Variants in CAST observed in about 807,000 individuals in gnomAD.
CAST encodes calpastatin.
In CAST, 76 loss-of-function variants were observed where a neutral mutation model predicts 119.6. The observed-to-expected ratio is 0.64, with a 90% CI of 0.53 to 0.77. CAST has a LOEUF of 0.77. CAST is among the 30% of genes least tolerant of loss of function. The probability of loss-of-function intolerance (pLI) is 0.00; values close to 1 mark genes in which losing one functional copy is unlikely to be tolerated. For missense variants in CAST, 953 were observed against 946.5 expected (o/e 1.01, Z -0.09); for synonymous variants, 319 against 331.6 (o/e 0.96, Z 0.41).
the CAST span, among the ~76,000 whole-genome samples, chr5:96,152,838 A>G: frequency 6.6e-6 from 1 of 152,236 alleles, no homozygotes; most frequent in African/African-American, 2.4e-5. Flanking sequence ...ATTGGTGCAA[A>G]GCAGTAACTT....
chr5:96,191,240 C>T, the CAST span, among the ~76,000 whole-genome samples: 1 of 152,162 alleles, frequency 6.6e-6, no homozygotes, highest in East Asian at 1.9e-4. Context: ...AGAAATAGTA[C>T]CTTCTGTATC....
the CAST span, among the ~76,000 whole-genome samples, chr5:96,446,061 C>G: frequency 8.6e-5 from 13 of 151,800 alleles, no homozygotes; most frequent in African/African-American, 3.1e-4. Context: ...GTTACCCAGG[C>G]TGTTCTCAAA....
the CAST span, chr5:96,392,738 CT>C: frequency 6.3e-4 from 324 of 511,768 alleles, 1 homozygote; most frequent in Non-Finnish European, 7.3e-4. Flanking sequence ...TTTTTGTCAA[CT>C]GTGACTCCAG....
At chr5:96,557,562 G>C (rs1390742930) in intron 1 of CAST, among the ~76,000 whole-genome samples, 2 of 152,106 alleles carry the variant, frequency 1.3e-5, no homozygotes, top group African/African-American at 2.4e-5. Context: ...TGCAATCCTA[G>C]TCTCTGATAA....
At chr5:96,211,246 T>C in the CAST span, among the ~76,000 whole-genome samples, 1 of 152,016 alleles carries the variant, frequency 6.6e-6, no homozygotes, top group African/African-American at 2.4e-5. Flanking sequence ...TTATTTCTGA[T>C]CTTTGAGGGA....
At chr5:96,587,186 G>T (rs1056137787) in intron 1 of CAST, among the ~76,000 whole-genome samples, 1 of 152,184 alleles carries the variant, frequency 6.6e-6, no homozygotes, top group Non-Finnish European at 1.5e-5. Flanking sequence ...AGAAAGGTTT[G>T]TACAGCACAT....
At chr5:96,022,167 C>G in the CAST span, among the ~76,000 whole-genome samples, 1 of 152,142 alleles carries the variant, frequency 6.6e-6, no homozygotes, top group African/African-American at 2.4e-5. Flanking sequence ...TTGAGCATCT[C>G]CAGGTTTTGG....
At chr5:96,349,622 T>A in the CAST span, among the ~76,000 whole-genome samples, 1 of 152,132 alleles carries the variant, frequency 6.6e-6, no homozygotes, top group African/African-American at 2.4e-5. Flanking sequence ...GCTGAAAAAA[T>A]TTCACTATTT....
intron 1 of CAST, among the ~76,000 whole-genome samples, chr5:96,652,159 G>A (rs906233379): frequency 9.2e-5 from 14 of 152,212 alleles, no homozygotes; most frequent in East Asian, 1.9e-4. Context: ...CTAGGGCAGC[G>A]TCAGAGGACC....
rs70981830 is a variant in CAST at position 96,568,564 on chromosome 5, C to CA, written c.60+38708dup. ...TGGGCGACAGAGCGAGACTCCATCT[C>CA]AAAAAAAAAAAAAAAAAAAAAAAAG... On this transcript the variant is annotated intron_variant, in intron 1 of 11. Transcript: ENST00000505143. Among the ~76,000 whole-genome samples the CA allele has an allele frequency of 3.9e-3, 277 of 70,764 alleles. 1 individual carries two copies. The highest frequency in any genetic ancestry group is 4.3e-3 in the Non-Finnish European group (176 of 40,790). The allele number at this position is 70,764 out of a possible 152,430, so 46.4% of individuals were successfully genotyped here. A position where few individuals can be genotyped will look rare whatever the true frequency, so the allele number is the denominator to read the frequency against.
At chr5:96,308,294 C>T in the CAST span, among the ~76,000 whole-genome samples, 1 of 151,792 alleles carries the variant, frequency 6.6e-6, no homozygotes. Flanking sequence ...CTGTGTTTTT[C>T]AGCTTCATCA....
chr5:96,085,710 A>G, the CAST span, among the ~76,000 whole-genome samples: 2 of 152,336 alleles, frequency 1.3e-5, no homozygotes, highest in African/African-American at 2.4e-5. Flanking sequence ...AGGTCCCTCC[A>G]GGACTTCTCA....
At chr5:96,397,478 C>G in the CAST span, 1 of 1,610,772 alleles carries the variant, frequency 6.2e-7, no homozygotes, top group Admixed American at 1.7e-5. Flanking sequence ...TCCTATGAAA[C>G]AAATACAAGT....
At chr5:96,654,003 C>A (rs1011542518) in intron 1 of CAST, among the ~76,000 whole-genome samples, 2 of 149,122 alleles carry the variant, frequency 1.3e-5, no homozygotes, top group African/African-American at 4.9e-5. Context: ...TCTCTCCTTT[C>A]TCCTTATCGT....
intron 1 of CAST, among the ~76,000 whole-genome samples, chr5:96,649,184 C>A (rs1672577950): frequency 6.6e-6 from 1 of 152,118 alleles, no homozygotes; most frequent in Non-Finnish European, 1.5e-5. Context: ...AAGATTCAGT[C>A]TTTTGCTGTT....
chr5:96,766,183 C>T lies in CAST; in HGVS notation c.2130+38C>T. On this transcript the variant is annotated intron_variant, in intron 27 of 31. Coordinates refer to ENST00000675179, the MANE Select transcript of CAST (RefSeq NM_001750.7). ...AAATTGCTAGATCGGATTTATGCTACCAAGATCTTTAAATTCAAACCTCCC... is the reference window on the plus strand; with the variant it reads ...AAATTGCTAGATCGGATTTATGCTATCAAGATCTTTAAATTCAAACCTCCC... 4.4e-6 allele frequency: 5 copies of T among 1,139,734 alleles called. No homozygotes were observed. In the South Asian group the frequency reaches 6.4e-5, roughly 15 times the overall value. The allele number at this position is 1,139,734 out of a possible 1,614,324, so 70.6% of individuals were successfully genotyped here.
At chr5:96,242,959 A>C in the CAST span, among the ~76,000 whole-genome samples, 7 of 152,250 alleles carry the variant, frequency 4.6e-5, no homozygotes, top group East Asian at 1.4e-3. Context: ...TCTTTTTTGG[A>C]TACATCAAAT....
At chr5:96,120,753 CATATAT>C in the CAST span, among the ~76,000 whole-genome samples, 2 of 147,516 alleles carry the variant, frequency 1.4e-5, no homozygotes, top group African/African-American at 4.9e-5. Context: ...AATATACATA[CATATAT>C]ATATATAAAC....
At chr5:96,599,627 T>G (rs1747109873) in intron 1 of CAST, among the ~76,000 whole-genome samples, 1 of 152,120 alleles carries the variant, frequency 6.6e-6, no homozygotes, top group South Asian at 2.1e-4. Context: ...CCTCACACTC[T>G]GGTAACTTTA....
Sources: allele counts gnomAD v4.1 joint callset (sites outside exome capture counted in the v4.1 genomes callset), GRCh38; gene constraint gnomAD v4.1.1; transcripts MANE v1.5; gene names NCBI Gene and HGNC (gene_info 2026-07-23, HGNC 2026-07-21).